Variants in HLA-DQB1 observed in about 807,000 individuals in gnomAD.
HLA-DQB1 encodes the protein major histocompatibility complex, class II, DQ beta 1, also known as HLA class II histocompatibility antigen, DQ beta 1 chain.
Under a neutral mutation model 26.4 loss-of-function variants are expected in HLA-DQB1, and 13 were observed. The ratio of observed to expected loss-of-function variants is 0.49; its 90% CI spans 0.32 to 0.78. The LOEUF is 0.78. HLA-DQB1 is among the 30% of genes least tolerant of loss of function. The pLI is 0.03. For synonymous variants in HLA-DQB1, 60 were observed against 129.1 expected, an observed-to-expected ratio of 0.46 and a Z score of 3.63; for missense variants, 158 against 326.2, an observed-to-expected ratio of 0.48 and a Z score of 3.97.
rs200200868 is a variant in HLA-DQB1 at position 32,664,981 on chromosome 6, G to A, written c.196C>T (p.Arg66Ter). 5 of 1,372,386 alleles carry A rather than the reference G, an allele frequency of 3.6e-6. 1 individual carries two copies. The highest frequency in any genetic ancestry group is 5.1e-6 in the Non-Finnish European group (5 of 974,082). The allele number at this position is 1,372,386 out of a possible 1,614,324, so 85.0% of individuals were successfully genotyped here. A position where few individuals can be genotyped will look rare whatever the true frequency, so the allele number is the denominator to read the frequency against. Residue 66 changes from arginine to a stop codon, truncating the protein, a stop_gained, in exon 2 of 5, where the codon CGA becomes TGA. Transcript: ENST00000434651. LOFTEE classifies it high-confidence loss of function. ...CTGTCGAAGCGCGCGTACTCCTCTC[G>A]GTTATAGATGTATCTGGTCACAAGA...
At chr6:32,665,142 G>T (rs281861990) in intron 1 of HLA-DQB1, 75 bp from the exon 2 acceptor site, 2 of 910,780 alleles carry the variant, frequency 2.2e-6, no homozygotes, top group Non-Finnish European at 3.0e-6. Context: ...ACCCGGCCTG[G>T]AGCTGTGGAA....
intron 4 of HLA-DQB1, 92 bp from the exon 5 acceptor site, chr6:32,660,341 C>G (rs1426141856): frequency 1.5e-6 from 1 of 646,856 alleles, no homozygotes; most frequent in Non-Finnish European, 2.5e-6. Flanking sequence ...CAGCTTCAGA[C>G]AGAGAAAGTT....
At chr6:32,660,947 G>T in intron 4 of HLA-DQB1, 1 of 990,202 alleles carries the variant, frequency 1.0e-6, no homozygotes, top group South Asian at 1.4e-5. Context: ...CACCCCAAAG[G>T]AAAATGACAC....
intron 3 of HLA-DQB1, 131 bp from the exon 4 acceptor site, chr6:32,661,588 C>G (rs281864260): frequency 0.027 from 15,485 of 571,204 alleles, 3,526 homozygotes; most frequent in East Asian, 0.23. Flanking sequence ...CAGACCACCC[C>G]TAAGGAGGGG....
In HLA-DQB1 at chr6:32,661,315, C is replaced by A. The variant is rs9273597; in HGVS notation, c.772+32G>T. The A allele has an allele frequency of 1.3e-4, 176 of 1,336,714 alleles. 2 individuals carry two copies. In the Middle Eastern group the frequency reaches 1.6e-3, roughly 12 times the overall value. 82.8% of individuals were successfully genotyped at this position (1,336,714 alleles called of 1,614,324 possible). ...CTGAACAGAGGGTCTGGGTCACAGC[C>A]CATCTTCCCCTTTTCCCCTGGGGTT... On this transcript the variant is annotated intron_variant, in intron 4 of 4. Coordinates refer to ENST00000434651, the Ensembl canonical transcript of HLA-DQB1.
chr6:32,666,122 T>C (rs28746834), intron 1 of HLA-DQB1, among the ~76,000 whole-genome samples: 28,181 of 115,332 alleles, frequency 0.24, 3,497 homozygotes, highest in East Asian at 0.5. Context: ...ATGCAGGATC[T>C]CATAATCCTA....
intron 1 of HLA-DQB1, among the ~76,000 whole-genome samples, chr6:32,665,599 T>G (rs281861584): frequency 1.6e-5 from 1 of 63,104 alleles, no homozygotes; most frequent in Non-Finnish European, 3.7e-5. Flanking sequence ...CTCCCTTCTA[T>G]GTTGGAAAGG....
chr6:32,661,238 G>A (rs281864341), intron 4 of HLA-DQB1, 109 bp downstream of exon 4: 4 of 473,164 alleles, frequency 8.5e-6, no homozygotes, highest in African/African-American at 2.3e-5. Flanking sequence ...CTGTCTCCTC[G>A]CACTTCTTCT....
At chr6:32,660,736 G>A in intron 4 of HLA-DQB1, 1 of 549,858 alleles carries the variant, frequency 1.8e-6, no homozygotes, top group African/African-American at 1.9e-5. Flanking sequence ...TCTCCCCTAA[G>A]TCTTGATCCT....
intron 4 of HLA-DQB1, chr6:32,660,856 T>C (rs9273528): frequency 0.14 from 191,218 of 1,397,650 alleles, 20,201 homozygotes; most frequent in Admixed American, 0.28. Flanking sequence ...GCTGAAATAT[T>C]ACCTGCTGGT....
intron 2 of HLA-DQB1, chr6:32,664,510 A>G (rs9274336): frequency 0.22 from 33,678 of 156,396 alleles, 11,526 homozygotes; most frequent in East Asian, 0.49. Flanking sequence ...GGAGGCAAAC[A>G]CATAAGGCAC....
exon 5 of HLA-DQB1, chr6:32,660,068 C>T (rs281864465): frequency 2.1e-5 from 8 of 389,156 alleles, no homozygotes; most frequent in Non-Finnish European, 3.8e-5. Context: ...TCACAGCCAG[C>T]GCCTTGGGGT....
intron 4 of HLA-DQB1, among the ~76,000 whole-genome samples, chr6:32,661,064 A>G (rs9273546): frequency 0.74 from 96,227 of 129,914 alleles, 37,285 homozygotes; most frequent in East Asian, 0.89. Context: ...AAAGAAAGGA[A>G]GCTGAGGCTC....
chr6:32,660,781 G>A (rs9273519), intron 4 of HLA-DQB1: 122,533 of 770,554 alleles, frequency 0.16, 15,993 homozygotes, highest in South Asian at 0.24. Flanking sequence ...ATGGACCACT[G>A]TGGTCAGGTA....
intron 1 of HLA-DQB1, among the ~76,000 whole-genome samples, chr6:32,665,568 C>G (rs28746820): frequency 1.1e-5 from 1 of 89,922 alleles, no homozygotes. Flanking sequence ...GATTTACCCT[C>G]CCAAGTCCCG....
chr6:32,661,768 T>C (rs79603908), intron 3 of HLA-DQB1, 199 bp downstream of exon 3: 25,842 of 541,632 alleles, frequency 0.048, 1,053 homozygotes, highest in East Asian at 0.062. Context: ...CAACAGTATG[T>C]AGAGTAATTT....
chr6:32,660,137 A>T, exon 5 of HLA-DQB1: 1 of 523,830 alleles, frequency 1.9e-6, no homozygotes, highest in South Asian at 3.7e-5. Context: ...CTTTGATCTC[A>T]GGGGGACAAG....
intron 4 of HLA-DQB1, 110 bp downstream of exon 4, chr6:32,661,237 C>G: frequency 6.9e-6 from 3 of 437,374 alleles, no homozygotes; most frequent in Non-Finnish European, 1.1e-5. Context: ...CCTGTCTCCT[C>G]GCACTTCTTC....
intron 1 of HLA-DQB1, among the ~76,000 whole-genome samples, 174 bp from the exon 2 acceptor site, chr6:32,665,241 CTT>C (rs1437297628): frequency 1.5e-5 from 2 of 134,664 alleles, no homozygotes; most frequent in Admixed American, 7.7e-5. Flanking sequence ...CTCTGCCCGC[CTT>C]CTTTGCGGGC....
Sources: allele counts gnomAD v4.1 joint callset (sites outside exome capture counted in the v4.1 genomes callset), GRCh38; gene constraint gnomAD v4.1.1; transcripts MANE v1.5; gene names NCBI Gene and HGNC (gene_info 2026-07-23, HGNC 2026-07-21).